Variants in XIRP2 observed in about 807,000 individuals in gnomAD.
XIRP2 encodes xin actin binding repeat containing 2, also known as xin actin-binding repeat-containing protein 2.
XIRP2 carries 236 observed loss-of-function variants against 277.0 expected under a neutral mutation model. The ratio of observed to expected loss-of-function variants is 0.85; its 90% CI spans 0.77 to 0.95. XIRP2 has a LOEUF of 0.95. XIRP2 is among the 40% of genes least tolerant of loss of function. The pLI is 0.00. For missense variants in XIRP2, 4,640 were observed against 4,157.5 expected (o/e 1.12, Z -3.19); for synonymous variants, 1,490 against 1,416.5 (o/e 1.05, Z -1.17).
intron 2 of XIRP2, chr2:167,124,637 T>A (rs1464881607): frequency 1.3e-5 from 2 of 152,176 alleles, no homozygotes. Flanking sequence ...GTGTCAAAAG[T>A]GACTAGAGTA....
chr2:166,911,805 G>T (rs1684709522), intron 2 of XIRP2, among the ~76,000 whole-genome samples: 1 of 152,110 alleles, frequency 6.6e-6, no homozygotes, highest in Non-Finnish European at 1.5e-5. Context: ...GGCAGGCCTG[G>T]TGGTGACAAA....
intron 3 of XIRP2, among the ~76,000 whole-genome samples, chr2:167,181,949 C>T (rs562458574): frequency 6.6e-5 from 10 of 152,162 alleles, no homozygotes; most frequent in African/African-American, 2.4e-4. Flanking sequence ...ATTAATGGTG[C>T]TTTCTTCACT....
At chr2:167,034,697 A>G (rs1688464565) in intron 2 of XIRP2, among the ~76,000 whole-genome samples, 1 of 152,206 alleles carries the variant, frequency 6.6e-6, no homozygotes, top group Non-Finnish European at 1.5e-5. Flanking sequence ...AAACAAGGGC[A>G]TTACATACTG....
At chr2:167,165,825 C>G (rs1330665619) in intron 3 of XIRP2, among the ~76,000 whole-genome samples, 2 of 152,114 alleles carry the variant, frequency 1.3e-5, no homozygotes, top group African/African-American at 4.8e-5. Flanking sequence ...TTTCATGGAG[C>G]AGAAATTTCT....
intron 3 of XIRP2, among the ~76,000 whole-genome samples, chr2:167,175,679 C>A (rs997288756): frequency 1.3e-5 from 2 of 152,146 alleles, no homozygotes; most frequent in Non-Finnish European, 1.5e-5. Flanking sequence ...CTTGGAGATG[C>A]ACTACTCTCT....
intron 2 of XIRP2, among the ~76,000 whole-genome samples, chr2:167,002,062 C>A (rs1237288413): frequency 6.6e-6 from 1 of 152,046 alleles, no homozygotes; most frequent in Non-Finnish European, 1.5e-5. Flanking sequence ...TACAAAATTA[C>A]ATGATTTCTT....
intron 3 of XIRP2, among the ~76,000 whole-genome samples, chr2:167,157,503 T>C (rs917648932): frequency 2.6e-5 from 4 of 152,122 alleles, no homozygotes; most frequent in African/African-American, 9.7e-5. Flanking sequence ...ATTGTATAAG[T>C]ATGCATGTAT....
At chr2:167,207,456 G>A (rs1379645984) in intron 3 of XIRP2, among the ~76,000 whole-genome samples, 1 of 152,150 alleles carries the variant, frequency 6.6e-6, no homozygotes, top group African/African-American at 2.4e-5. Context: ...AATCCTTTCT[G>A]TTACGGAATG....
At chr2:167,086,013 A>G (rs1574240162) in intron 2 of XIRP2, among the ~76,000 whole-genome samples, 1 of 151,568 alleles carries the variant, frequency 6.6e-6, no homozygotes, top group African/African-American at 2.4e-5. Flanking sequence ...TTTGCTCGTT[A>G]GTTGATGCAG....
At chr2:167,074,238 A>G (rs1689505746) in intron 2 of XIRP2, among the ~76,000 whole-genome samples, 1 of 152,124 alleles carries the variant, frequency 6.6e-6, no homozygotes, top group African/African-American at 2.4e-5. Context: ...TTAAGGATAA[A>G]TATGTACAGT....
chr2:167,047,030 G>A (rs891334256), intron 2 of XIRP2, among the ~76,000 whole-genome samples: 14 of 151,670 alleles, frequency 9.2e-5, no homozygotes, highest in South Asian at 2.1e-4. Flanking sequence ...AATGAAATTC[G>A]TCTAAGATTA....
chr2:167,007,491 T>G (rs950459849), intron 2 of XIRP2, among the ~76,000 whole-genome samples: 35 of 151,656 alleles, frequency 2.3e-4, no homozygotes, highest in Admixed American at 9.2e-4. Context: ...ATTATACTTA[T>G]GGAATTTGGG....
chr2:167,152,368 GT>G (rs942325416), intron 3 of XIRP2, among the ~76,000 whole-genome samples: 3 of 151,352 alleles, frequency 2.0e-5, no homozygotes, highest in African/African-American at 7.3e-5. Flanking sequence ...CTCAACTCAT[GT>G]CTTTGTGCTA....
intron 2 of XIRP2, among the ~76,000 whole-genome samples, chr2:167,018,666 C>G (rs773624802): frequency 6.6e-6 from 1 of 151,998 alleles, no homozygotes; most frequent in Non-Finnish European, 1.5e-5. Context: ...GCTGTGGTTG[C>G]CAGGGCTGTC....
chr2:167,069,461 C>T (rs1689384491), intron 2 of XIRP2, among the ~76,000 whole-genome samples: 1 of 152,076 alleles, frequency 6.6e-6, no homozygotes, highest in Non-Finnish European at 1.5e-5. Context: ...TCTGCTGATC[C>T]CTCCCTCTAG....
intron 3 of XIRP2, among the ~76,000 whole-genome samples, chr2:167,201,095 C>T (rs1216202706): frequency 6.7e-6 from 1 of 149,020 alleles, no homozygotes; most frequent in Non-Finnish European, 1.5e-5. Flanking sequence ...CACCGCACTC[C>T]AACCTAGACA....
rs777631687 is a variant in XIRP2 at position 167,251,346 on chromosome 2, T to C, written c.9954T>C (p.Thr3318=). 3 of 1,613,522 alleles carry C rather than the reference T, an allele frequency of 1.9e-6. No individual in the cohort carries two copies. Among genetic ancestry groups the C allele is most frequent in the Non-Finnish European group, 2.5e-6 (3 of 1,179,644 alleles). Residue 3318 remains threonine (T), a synonymous_variant, in exon 9 of 11, where the codon ACT becomes ACC. Coordinates refer to ENST00000409195, the MANE Select transcript of XIRP2 (RefSeq NM_152381.6). The part of the protein sequence containing the change: ...HTQRYEAANR[T]VQMAENFVND... ...AGAGATATGAAGCGGCCAACCGAAC[T>C]GTTCAAATGGCTGAAAATTTCGTGA...
chr2:167,103,969 G>T (rs1453936161), intron 2 of XIRP2, among the ~76,000 whole-genome samples: 1 of 152,140 alleles, frequency 6.6e-6, no homozygotes, highest in Non-Finnish European at 1.5e-5. Context: ...ATAGGAGTCA[G>T]TAGTCACTCC....
intron 2 of XIRP2, among the ~76,000 whole-genome samples, chr2:167,025,341 C>T (rs1481182715): frequency 6.6e-6 from 1 of 152,030 alleles, no homozygotes; most frequent in African/African-American, 2.4e-5. Context: ...TGATTCTTCT[C>T]TCTTTTCTTC....
Sources: gnomAD v4.1 joint callset for allele counts (sites outside exome capture counted in the v4.1 genomes callset) on GRCh38, gnomAD v4.1.1 for gene constraint, MANE v1.5 for transcripts, NCBI Gene and HGNC (gene_info 2026-07-23, HGNC 2026-07-21) for gene names.